Variants in REDIC1 observed in about 807,000 individuals in gnomAD.
REDIC1 encodes HEI10 Interacting Protein 1.
chr12:39,763,363 G>A, the REDIC1 span, among the ~76,000 whole-genome samples: 18 of 152,190 alleles, frequency 1.2e-4, no homozygotes, highest in East Asian at 3.5e-3. Context: ...ATGGTCAGAA[G>A]AGATGGGGAA....
At chr12:39,773,354 A>T in the REDIC1 span, among the ~76,000 whole-genome samples, 1 of 152,202 alleles carries the variant, frequency 6.6e-6, no homozygotes, top group Admixed American at 6.5e-5. Flanking sequence ...AACCTGATAT[A>T]CAGACCAAAT....
chr12:39,668,076 A>G, the REDIC1 span, among the ~76,000 whole-genome samples: 1 of 151,350 alleles, frequency 6.6e-6, no homozygotes, highest in African/African-American at 2.4e-5. Flanking sequence ...ATTTAAGGTT[A>G]ATATTGTTAT....
the REDIC1 span, among the ~76,000 whole-genome samples, chr12:39,774,830 T>G: frequency 1.3e-5 from 2 of 152,180 alleles, no homozygotes; most frequent in Non-Finnish European, 2.9e-5. Context: ...ATCGGTATAT[T>G]GACTACCTTA....
the REDIC1 span, among the ~76,000 whole-genome samples, chr12:39,856,393 G>A: frequency 3.3e-5 from 5 of 152,032 alleles, no homozygotes; most frequent in South Asian, 6.2e-4. Context: ...TTTTTGAGAC[G>A]GAGTCTCACT....
At chr12:39,731,323 T>C in the REDIC1 span, among the ~76,000 whole-genome samples, 1 of 152,092 alleles carries the variant, frequency 6.6e-6, no homozygotes, top group Non-Finnish European at 1.5e-5. Context: ...GTTGGTGACC[T>C]TCGGATGGGG....
At chr12:39,885,307 G>T in the REDIC1 span, among the ~76,000 whole-genome samples, 1 of 152,180 alleles carries the variant, frequency 6.6e-6, no homozygotes, top group Non-Finnish European at 1.5e-5. Context: ...CCGATGAAAA[G>T]AGTGGGCTTG....
chr12:39,703,734 A>G, the REDIC1 span, among the ~76,000 whole-genome samples: 2 of 152,214 alleles, frequency 1.3e-5, no homozygotes, highest in African/African-American at 4.8e-5. Flanking sequence ...AAAGAGAGAT[A>G]TAGATTAGTG....
the REDIC1 span, among the ~76,000 whole-genome samples, chr12:39,897,604 T>G: frequency 6.6e-6 from 1 of 152,194 alleles, no homozygotes; most frequent in Non-Finnish European, 1.5e-5. Flanking sequence ...ACCAACCACA[T>G]GCAGCTCTTG....
chr12:39,739,904 C>A, the REDIC1 span, among the ~76,000 whole-genome samples: 1 of 152,168 alleles, frequency 6.6e-6, no homozygotes, highest in African/African-American at 2.4e-5. Flanking sequence ...AGCTCGCATG[C>A]TTCTGCTCTT....
At chr12:39,718,774 T>C in the REDIC1 span, among the ~76,000 whole-genome samples, 1 of 152,154 alleles carries the variant, frequency 6.6e-6, no homozygotes, top group Non-Finnish European at 1.5e-5. Context: ...GGAATGTGTC[T>C]GCTGCTTCTT....
At chr12:39,747,386 A>C in the REDIC1 span, among the ~76,000 whole-genome samples, 3 of 152,100 alleles carry the variant, frequency 2.0e-5, no homozygotes, top group African/African-American at 7.2e-5. Context: ...AAAAAGAGTA[A>C]AAAGAAATGA....
At chr12:39,643,911 A>C in the REDIC1 span, 1 of 1,551,442 alleles carries the variant, frequency 6.4e-7, no homozygotes. Context: ...CAAGAAGAAA[A>C]TTCCTGGTAA....
chr12:39,702,056 A>T, the REDIC1 span, among the ~76,000 whole-genome samples: 1 of 152,164 alleles, frequency 6.6e-6, no homozygotes, highest in East Asian at 1.9e-4. Context: ...AAACACATTC[A>T]AAAGCTAGCG....
the REDIC1 span, chr12:39,646,876 T>C: frequency 6.3e-7 from 1 of 1,599,322 alleles, no homozygotes; most frequent in Non-Finnish European, 8.5e-7. Context: ...AGGAAGATCT[T>C]GGCCCAGTCC....
chr12:39,673,877 A>C, the REDIC1 span, among the ~76,000 whole-genome samples: 1 of 152,176 alleles, frequency 6.6e-6, no homozygotes, highest in East Asian at 1.9e-4. Context: ...CCTTCACTAG[A>C]CTATAACCTC....
chr12:39,718,672 T>C, the REDIC1 span, among the ~76,000 whole-genome samples: 1 of 152,078 alleles, frequency 6.6e-6, no homozygotes, highest in Non-Finnish European at 1.5e-5. Flanking sequence ...TGTGACATTT[T>C]TTTTTTCCTG....
At chr12:39,688,053 A>G in the REDIC1 span, among the ~76,000 whole-genome samples, 1 of 152,216 alleles carries the variant, frequency 6.6e-6, no homozygotes, top group Non-Finnish European at 1.5e-5. Flanking sequence ...TTATGAATTC[A>G]TATAAAGACA....
chr12:39,771,128 A>T, the REDIC1 span, among the ~76,000 whole-genome samples: 2 of 152,204 alleles, frequency 1.3e-5, no homozygotes. Flanking sequence ...ACACCATCCT[A>T]ATTTAGACTC....
chr12:39,777,286 C>T, the REDIC1 span, among the ~76,000 whole-genome samples: 1 of 152,216 alleles, frequency 6.6e-6, no homozygotes, highest in African/African-American at 2.4e-5. Flanking sequence ...ATAATAGCAA[C>T]AAACTCAGGA....
Sources: gnomAD v4.1 joint callset for allele counts (sites outside exome capture counted in the v4.1 genomes callset) on GRCh38, gnomAD v4.1.1 for gene constraint, MANE v1.5 for transcripts, NCBI Gene and HGNC (gene_info 2026-07-23, HGNC 2026-07-21) for gene names.